The following FTO variants were observed in gnomAD, a reference collection of about 807,000 sequenced individuals.
The protein encoded by FTO is FTO alpha-ketoglutarate dependent dioxygenase.
In FTO, 47 loss-of-function variants were observed where a neutral mutation model predicts 63.9. That is an observed-to-expected ratio of 0.74 (90% confidence interval 0.58 to 0.94). FTO has a LOEUF of 0.94. Ranked by LOEUF, FTO falls within the 40% of genes least tolerant of loss-of-function variation. FTO has a pLI of 0.00. For missense variants in FTO, 562 were observed against 618.1 expected, an observed-to-expected ratio of 0.91 and a Z score of 0.96; for synonymous variants, 207 against 224.4, an observed-to-expected ratio of 0.92 and a Z score of 0.69.
intron 8 of FTO, among the ~76,000 whole-genome samples, chr16:54,040,953 T>C (rs568675072): frequency 6.6e-6 from 1 of 152,370 alleles, no homozygotes; most frequent in African/African-American, 2.4e-5. Context: ...CATTTTATTC[T>C]TCCACATTGA....
intron 7 of FTO, among the ~76,000 whole-genome samples, chr16:53,912,883 A>T (rs145785601): frequency 6.6e-6 from 1 of 152,366 alleles, no homozygotes. Context: ...CCTTGAGGTC[A>T]GAAGAAGATG....
In FTO at chr16:53,757,704, T is replaced by C. The variant is rs775730723; in HGVS notation, c.46-52436T>C. Among the ~76,000 whole-genome samples, 20 of 152,188 alleles carry C rather than the reference T, an allele frequency of 1.3e-4. 1 individual carries two copies. The highest frequency in any genetic ancestry group is 2.5e-4 in the Non-Finnish European group (17 of 68,034). ...CTCTAAAGCGTTATGATTTACCTGA[T>C]TTGGTGGAGGAAAGGTATTTTTGGT... On this transcript the variant is annotated intron_variant, in intron 1 of 8. Coordinates refer to ENST00000471389, the MANE Select transcript of FTO (RefSeq NM_001080432.3).
chr16:54,051,979 C>T (rs2085323247), intron 8 of FTO, among the ~76,000 whole-genome samples: 1 of 152,180 alleles, frequency 6.6e-6, no homozygotes, highest in African/African-American at 2.4e-5. Context: ...ACGGAAACCT[C>T]AGAGGACTGG....
intron 1 of FTO, among the ~76,000 whole-genome samples, chr16:53,707,156 A>G (rs891154422): frequency 2.0e-5 from 3 of 152,230 alleles, no homozygotes; most frequent in Non-Finnish European, 4.4e-5. Context: ...GAGATGAGGC[A>G]TTGAAATCAA....
intron 8 of FTO, among the ~76,000 whole-genome samples, chr16:54,008,871 A>C: frequency 6.7e-6 from 1 of 150,300 alleles, no homozygotes; most frequent in Non-Finnish European, 1.5e-5. Context: ...AATTAGCTGG[A>C]TGTGGTGGCA....
At chr16:53,854,156 T>C (rs1436891574) in intron 4 of FTO, among the ~76,000 whole-genome samples, 1 of 152,156 alleles carries the variant, frequency 6.6e-6, no homozygotes, top group Non-Finnish European at 1.5e-5. Context: ...TTTGCCCACT[T>C]TTTAGTGGGA....
At position 53,948,260 on chromosome 16, in the gene FTO, G is replaced by A. The variant is rs188028224; in HGVS notation, c.1364+14151G>A. On this transcript the variant is annotated intron_variant, in intron 8 of 8. Transcript: ENST00000471389. The stretch of plus-strand genomic sequence containing the variant: ...GTGAATTCATGTCCAAAGAGGCACC[G>A]GGCTTTCTGAAGGAAGTATTCGTCT... Among the ~76,000 whole-genome samples, 626 of 152,318 alleles carry A rather than the reference G, an allele frequency of 4.1e-3. 3 individuals are homozygous for A. The highest frequency in any genetic ancestry group is 6.6e-3 in the Non-Finnish European group (450 of 68,030).
chr16:53,922,218 T>C (rs1232511996), intron 7 of FTO, among the ~76,000 whole-genome samples: 1 of 152,198 alleles, frequency 6.6e-6, no homozygotes, highest in Non-Finnish European at 1.5e-5. Context: ...AGAGTTTTGC[T>C]CTTGCTTTCT....
chr16:53,988,092 T>C (rs2083714549), intron 8 of FTO, among the ~76,000 whole-genome samples: 1 of 152,226 alleles, frequency 6.6e-6, no homozygotes, highest in African/African-American at 2.4e-5. Context: ...AAGTCATTTA[T>C]CTTATTTGCT....
At chr16:53,794,050 A>G (rs62033408) in intron 1 of FTO, among the ~76,000 whole-genome samples, 45,380 of 152,210 alleles carry the variant, frequency 0.3, 8,232 homozygotes, top group Non-Finnish European at 0.41. Context: ...TGAACTTGCC[A>G]AAGATTTAAA....
chr16:53,870,055 G>A (rs1393828547), intron 4 of FTO, among the ~76,000 whole-genome samples: 2 of 152,058 alleles, frequency 1.3e-5, no homozygotes, highest in African/African-American at 4.8e-5. Flanking sequence ...GTTTATGCCT[G>A]TGAATTGTGA....
intron 8 of FTO, among the ~76,000 whole-genome samples, chr16:53,972,125 TAAC>T (rs1490387932): frequency 1.2e-4 from 18 of 152,090 alleles, no homozygotes; most frequent in African/African-American, 3.9e-4. Context: ...AATAATAGCT[TAAC>T]AACTACAACA....
chr16:53,946,685 C>G (rs7206337), intron 8 of FTO, among the ~76,000 whole-genome samples: 10,506 of 152,030 alleles, frequency 0.069, 914 homozygotes, highest in African/African-American at 0.21. Flanking sequence ...AGCATATGAC[C>G]AGATGCTGTG....
At chr16:53,822,123 A>G (rs540493099) in intron 2 of FTO, among the ~76,000 whole-genome samples, 133 of 152,328 alleles carry the variant, frequency 8.7e-4, no homozygotes, top group Admixed American at 1.5e-3. Context: ...GCTGGGTGGC[A>G]GAGGAGGAAT....
rs1249911376 is a variant in FTO, at chr16:54,069,646, G to A, written c.1365-42116G>A. ...TAGAAAAAAAGAAGCCTATTCATAA[G>A]TATTATTTTTTTTTAATGGAAAGAT... is the stretch of plus-strand genomic sequence containing the variant. On this transcript the variant is annotated intron_variant, in intron 8 of 8. Coordinates refer to ENST00000471389, the MANE Select transcript of FTO (RefSeq NM_001080432.3). Among the ~76,000 whole-genome samples, 9 of 152,166 alleles carry A rather than the reference G, an allele frequency of 5.9e-5. No individual in the cohort carries two copies. In the East Asian group the frequency reaches 1.5e-3, roughly 26 times the overall value.
At chr16:54,086,246 G>A (rs1340254019) in intron 8 of FTO, among the ~76,000 whole-genome samples, 1 of 152,036 alleles carries the variant, frequency 6.6e-6, no homozygotes, top group Non-Finnish European at 1.5e-5. Flanking sequence ...TTTTCTGCTC[G>A]TGCTAAATGA....
chr16:53,755,818 G>A (rs577092229), intron 1 of FTO, among the ~76,000 whole-genome samples: 8 of 152,222 alleles, frequency 5.3e-5, no homozygotes, highest in South Asian at 2.1e-4. Flanking sequence ...CTTCTGTCCC[G>A]CTGCCTGGAA....
intron 4 of FTO, among the ~76,000 whole-genome samples, chr16:53,848,646 C>T (rs1028581570): frequency 3.9e-5 from 6 of 152,096 alleles, no homozygotes; most frequent in Non-Finnish European, 8.8e-5. Flanking sequence ...TTTACTTTGC[C>T]ACAGATGTTT....
chr16:53,887,876 T>C (rs1317265161), intron 6 of FTO: 3 of 152,156 alleles, frequency 2.0e-5, no homozygotes, highest in African/African-American at 7.2e-5. Flanking sequence ...TAGTTTTATA[T>C]ATATAGGTTA....
Sources: allele counts gnomAD v4.1 joint callset (sites outside exome capture counted in the v4.1 genomes callset), GRCh38; gene constraint gnomAD v4.1.1; transcripts MANE v1.5; gene names NCBI Gene and HGNC (gene_info 2026-07-23, HGNC 2026-07-21).